PRRC2C: variants seen among roughly 807,000 people sequenced by gnomAD.
PRRC2C encodes the protein proline rich coiled-coil 2C.
Under a neutral mutation model 317.2 loss-of-function variants are expected in PRRC2C, and 72 were observed. The ratio of observed to expected loss-of-function variants is 0.23; its 90% CI spans 0.19 to 0.28. The LOEUF (loss-of-function observed/expected upper bound fraction) is 0.28. Among genes scored for constraint, PRRC2C ranks in the 10% least tolerant of loss-of-function variants. The pLI is 1.00. For missense variants in PRRC2C, 3,074 were observed against 3,459.7 expected (o/e 0.89, Z 2.80); for synonymous variants, 1,296 against 1,205.9 (o/e 1.07, Z -1.55).
Position 171,535,413 on chromosome 1 carries a change from C to CTTTTCTTT in PRRC2C, c.1874-14_1874-7dup. On this transcript the variant is annotated splice_polypyrimidine_tract_variant and intron_variant, in intron 12 of 34. Transcript: ENST00000647382. ...ATAGATGAATACTATTACCTTTCAC[C>CTTTTCTTT]TTTTCTTTGAGCAGAGGAGGAACCC... 6.2e-7 allele frequency: 1 copy of CTTTTCTTT among 1,605,254 alleles called. No homozygotes were observed. Among genetic ancestry groups the CTTTTCTTT allele is most frequent in the Non-Finnish European group, 8.5e-7 (1 of 1,176,434 alleles).
In PRRC2C at chr1:171,566,855, G is replaced by A. The variant is rs1683749169; in HGVS notation, c.6558+12G>A. On this transcript the variant is annotated intron_variant, in intron 22 of 34. Transcript: ENST00000647382. ...GTACTAATGCAAAGGTAAGCCACAT[G>A]TAGGGATTACCAGTTCAACAGATGC... 1 of 1,602,024 alleles carries A rather than the reference G, an allele frequency of 6.2e-7. No homozygotes were observed. Among genetic ancestry groups the A allele is most frequent in the South Asian group, 1.1e-5 (1 of 88,900 alleles).
At chr1:171,493,394 GA>G (rs1428245061) in intron 1 of PRRC2C, among the ~76,000 whole-genome samples, 1 of 152,196 alleles carries the variant, frequency 6.6e-6, no homozygotes, top group African/African-American at 2.4e-5. Flanking sequence ...TAGCTCCTCA[GA>G]AGGGTGAGGT....
rs540700110 is a variant in PRRC2C at position 171,592,554 on chromosome 1, T to G, written c.*707T>G. On this transcript the variant is annotated 3_prime_UTR_variant, in exon 35 of 35. Transcript: ENST00000647382. ...AAATGGTGCTGTGTTTTGGTTGTGG[T>G]CTGAAGCTTTGAAGCGCTACTTAGC... The G allele has an allele frequency of 6.6e-6, 1 of 152,368 alleles. No homozygotes were observed. Among genetic ancestry groups the G allele is most frequent in the Non-Finnish European group, 1.5e-5 (1 of 68,042 alleles). 9.4% of individuals were successfully genotyped at this position (152,368 alleles called of 1,614,324 possible).
At position 171,514,589 on chromosome 1, in the gene PRRC2C, A is replaced by C. The variant is rs1181955155; in HGVS notation, c.344A>C (p.Glu115Ala). Residue 115 changes from glutamate (E) to alanine (A), a missense_variant, in exon 4 of 35, where the codon GAA becomes GCA. Glu to Ala is a moderately radical substitution (Grantham distance 107). This residue lies in a region of PRRC2C where 237 missense variants were observed against 199.5 expected (regional missense o/e 1.19). Coordinates refer to ENST00000647382, the MANE Select transcript of PRRC2C (RefSeq NM_001387844.1). ...QPKPGVAAPPEVAPAPKSWAS... is the reference protein window; with the variant it reads ...QPKPGVAAPPAVAPAPKSWAS... ...AAACCTGGGGTTGCAGCTCCCCCAG[A>C]AGTAGCACCTGCTCCCAAATCATGG... is the stretch of plus-strand genomic sequence containing the variant. 1 of 1,561,966 alleles carries C rather than the reference A, an allele frequency of 6.4e-7. No homozygotes were observed. The highest frequency in any genetic ancestry group is 1.4e-5 in the African/African-American group (1 of 73,288).
At chr1:171,586,945 GAT>G (rs1300975472) in intron 30 of PRRC2C, 56 bp from the exon 31 acceptor site, 1 of 1,248,438 alleles carries the variant, frequency 8.0e-7, no homozygotes, top group East Asian at 2.5e-5. Flanking sequence ...TAGTTGTATG[GAT>G]ATGTCTGTAG....
chr1:171,531,352 T>C (rs1675827938), intron 11 of PRRC2C, among the ~76,000 whole-genome samples: 2 of 152,218 alleles, frequency 1.3e-5, no homozygotes, highest in South Asian at 4.1e-4. Flanking sequence ...AAGTGAGTTG[T>C]GTAAATTAGG....
At chr1:171,489,904 A>T (rs1666803186) in intron 1 of PRRC2C, among the ~76,000 whole-genome samples, 1 of 152,148 alleles carries the variant, frequency 6.6e-6, no homozygotes, top group Non-Finnish European at 1.5e-5. Flanking sequence ...TCTTTTAATT[A>T]AATGAATTTA....
chr1:171,570,456 T>G lies in PRRC2C; in HGVS notation c.6652-864T>G, dbSNP rs138381980. Among the ~76,000 whole-genome samples, 1,051 of 152,278 alleles carry G rather than the reference T, an allele frequency of 6.9e-3. 3 individuals carry two copies. Among genetic ancestry groups the G allele is most frequent in the Non-Finnish European group, 0.01 (705 of 68,016 alleles). On this transcript the variant is annotated intron_variant, in intron 23 of 34. Coordinates refer to ENST00000647382, the MANE Select transcript of PRRC2C (RefSeq NM_001387844.1). ...GATTAAATGCAGGTGGCCTTTTGGA[T>G]TATCATAGCACAGCTGCTTTCAACA... is the stretch of plus-strand genomic sequence containing the variant.
At chr1:171,530,354 C>T (rs1336104464) in intron 11 of PRRC2C, among the ~76,000 whole-genome samples, 1 of 150,288 alleles carries the variant, frequency 6.7e-6, no homozygotes, top group Non-Finnish European at 1.5e-5. Flanking sequence ...AGCGATCCTC[C>T]TGCCTCAGCC....
intron 21 of PRRC2C, 25 bp downstream of exon 21, chr1:171,566,446 A>G (rs1363037452): frequency 1.0e-5 from 16 of 1,528,930 alleles, no homozygotes; most frequent in Admixed American, 2.2e-5. Flanking sequence ...TAATCCAGAT[A>G]AAATTTTATG....
intron 24 of PRRC2C, among the ~76,000 whole-genome samples, chr1:171,571,651 T>C (rs1291755248): frequency 6.6e-6 from 1 of 152,196 alleles, no homozygotes; most frequent in Non-Finnish European, 1.5e-5. Flanking sequence ...CTTGTGAATT[T>C]TGTCTTAAAA....
At chr1:171,528,114 G>T in intron 11 of PRRC2C, among the ~76,000 whole-genome samples, 1 of 150,416 alleles carries the variant, frequency 6.6e-6, no homozygotes, top group African/African-American at 2.5e-5. Flanking sequence ...TATTGTTTTT[G>T]GTGCTAAGGA....
chr1:171,504,580 A>G (rs1278074505), intron 1 of PRRC2C, among the ~76,000 whole-genome samples: 1 of 152,184 alleles, frequency 6.6e-6, no homozygotes, highest in Non-Finnish European at 1.5e-5. Context: ...TCAAATGCTT[A>G]TGTGTATTTA....
intron 17 of PRRC2C, among the ~76,000 whole-genome samples, chr1:171,547,165 G>T (rs947046985): frequency 1.3e-5 from 2 of 152,126 alleles, no homozygotes; most frequent in Admixed American, 6.5e-5. Flanking sequence ...TTCTGAAGTG[G>T]TGATAGAAAT....
chr1:171,573,673 C>CTTTTTTTTTTTTT (rs1024285954), intron 24 of PRRC2C, among the ~76,000 whole-genome samples: 1 of 85,812 alleles, frequency 1.2e-5, no homozygotes, highest in African/African-American at 4.7e-5. Flanking sequence ...TCTCAAAATT[C>CTTTTTTTTTTTTT]TTTTTTTTTT....
intron 27 of PRRC2C, 116 bp downstream of exon 27, chr1:171,579,582 T>G: frequency 7.0e-7 from 1 of 1,434,074 alleles, no homozygotes; most frequent in South Asian, 1.6e-5. Context: ...CACGATTAGC[T>G]TGATATTCTA....
intron 17 of PRRC2C, among the ~76,000 whole-genome samples, chr1:171,546,837 G>A (rs1291599953): frequency 2.5e-4 from 38 of 151,688 alleles, no homozygotes; most frequent in East Asian, 2.0e-4. Flanking sequence ...AGGTCGGTCC[G>A]GAACTCCTGA....
intron 23 of PRRC2C, among the ~76,000 whole-genome samples, chr1:171,570,893 T>C (rs1684669075): frequency 6.6e-6 from 1 of 152,192 alleles, no homozygotes; most frequent in Non-Finnish European, 1.5e-5. Flanking sequence ...TGCTACACAG[T>C]ATGCAGCCTG....
At chr1:171,499,108 C>A in intron 1 of PRRC2C, among the ~76,000 whole-genome samples, 1 of 152,218 alleles carries the variant, frequency 6.6e-6, no homozygotes, top group Non-Finnish European at 1.5e-5. Context: ...TGACACTCAG[C>A]CCTACTAAGC....
Sources: allele counts gnomAD v4.1 joint callset (sites outside exome capture counted in the v4.1 genomes callset), GRCh38; gene constraint gnomAD v4.1.1; regional missense constraint gnomAD v4.1.1; transcripts MANE v1.5; gene names NCBI Gene and HGNC (gene_info 2026-07-23, HGNC 2026-07-21).